Variants in PRR16 observed in about 807,000 individuals in gnomAD.
PRR16 encodes protein Largen.
In PRR16, 6 loss-of-function variants were observed where a neutral mutation model predicts 18.2. That is an observed-to-expected ratio of 0.33 (90% confidence interval 0.18 to 0.65). PRR16 has a LOEUF of 0.65. Among genes scored for constraint, PRR16 ranks in the 30% least tolerant of loss-of-function variants. The pLI is 0.74. For synonymous variants in PRR16, 151 were observed against 147.8 expected (o/e 1.02, Z -0.16); for missense variants, 412 against 376.6 (o/e 1.09, Z -0.78).
the PRR16 span, among the ~76,000 whole-genome samples, chr5:120,731,963 T>A: frequency 6.6e-6 from 1 of 152,144 alleles, no homozygotes; most frequent in African/African-American, 2.4e-5. Context: ...CTGGTGCTGG[T>A]AGCCCTAGGG....
intron 1 of PRR16, among the ~76,000 whole-genome samples, chr5:120,622,661 T>C (rs985068778): frequency 1.1e-4 from 16 of 152,026 alleles, no homozygotes; most frequent in African/African-American, 3.1e-4. Context: ...GTATTTTTAG[T>C]AGAGACAGAG....
At chr5:120,515,902 A>G (rs918780203) in intron 1 of PRR16, among the ~76,000 whole-genome samples, 1 of 152,166 alleles carries the variant, frequency 6.6e-6, no homozygotes, top group African/African-American at 2.4e-5. Flanking sequence ...TGTTGATAGA[A>G]TTTCTTTCTT....
intron 1 of PRR16, among the ~76,000 whole-genome samples, chr5:120,539,697 T>A (rs1198600143): frequency 1.3e-5 from 2 of 152,152 alleles, no homozygotes; most frequent in African/African-American, 4.8e-5. Flanking sequence ...CAATGCTATC[T>A]GTGTCAGTAA....
In PRR16 at chr5:120,656,392, C is replaced by G. The variant is rs79166541; in HGVS notation, c.160-29562C>G. On this transcript the variant is annotated intron_variant, in intron 1 of 1. Coordinates refer to ENST00000407149, the MANE Select transcript of PRR16 (RefSeq NM_001300783.2). ...GTAGCTATCATGTGAAAACTGTTAT[C>G]TTCCTCCATAATCTATCATGTCACA... Among the ~76,000 whole-genome samples the G allele has an allele frequency of 4.0e-5, 6 of 149,596 alleles. No individual in the cohort carries two copies. The South Asian group carries it at 1.3e-3, about 32-fold the overall frequency.
the PRR16 span, among the ~76,000 whole-genome samples, chr5:120,739,158 G>A: frequency 4.6e-5 from 7 of 152,082 alleles, no homozygotes; most frequent in East Asian, 1.9e-4. Flanking sequence ...ATTAGTGAAA[G>A]ATGCTGAAAA....
chr5:120,469,502 T>A (rs1749202656), intron 1 of PRR16, among the ~76,000 whole-genome samples: 1 of 152,056 alleles, frequency 6.6e-6, no homozygotes, highest in Admixed American at 6.6e-5. Context: ...TTTAATTTTT[T>A]TTTTTTTGAT....
At chr5:120,630,671 T>C (rs778755766) in intron 1 of PRR16, among the ~76,000 whole-genome samples, 5 of 152,150 alleles carry the variant, frequency 3.3e-5, no homozygotes, top group Non-Finnish European at 7.3e-5. Context: ...CGCTAACAGA[T>C]GGTGCAGCTG....
At chr5:120,705,278 G>A in the PRR16 span, among the ~76,000 whole-genome samples, 1 of 151,968 alleles carries the variant, frequency 6.6e-6, no homozygotes, top group African/African-American at 2.4e-5. Flanking sequence ...TTCTGATGGT[G>A]CAGTTAAGCT....
chr5:120,583,457 A>G (rs1753341161), intron 1 of PRR16, among the ~76,000 whole-genome samples: 2 of 152,180 alleles, frequency 1.3e-5, no homozygotes, highest in Non-Finnish European at 2.9e-5. Flanking sequence ...TCTGAAGGTA[A>G]TTAATTAAAC....
chr5:120,554,736 C>G (rs1200574602), intron 1 of PRR16, among the ~76,000 whole-genome samples: 2 of 151,940 alleles, frequency 1.3e-5, no homozygotes, highest in Non-Finnish European at 2.9e-5. Context: ...GCCAGAGTAG[C>G]TCTACTGTCC....
At chr5:120,523,070 C>A (rs1047510451) in intron 1 of PRR16, among the ~76,000 whole-genome samples, 1 of 152,102 alleles carries the variant, frequency 6.6e-6, no homozygotes, top group Non-Finnish European at 1.5e-5. Flanking sequence ...ACATGTATCC[C>A]AGGCTCTAAG....
the PRR16 span, among the ~76,000 whole-genome samples, chr5:120,791,957 T>A: frequency 6.6e-6 from 1 of 152,108 alleles, no homozygotes; most frequent in African/African-American, 2.4e-5. Flanking sequence ...ATATTGTACA[T>A]TAAAATAATC....
chr5:120,677,877 TG>T (rs1756849332), intron 1 of PRR16, among the ~76,000 whole-genome samples: 2 of 151,266 alleles, frequency 1.3e-5, no homozygotes, highest in Non-Finnish European at 2.9e-5. Flanking sequence ...GTTTTGGAAT[TG>T]GACTAAACTG....
Position 120,674,680 on chromosome 5 carries a change from T to A in PRR16, c.160-11274T>A, listed in dbSNP as rs982044838. On this transcript the variant is annotated intron_variant, in intron 1 of 1. Transcript: ENST00000407149. ...TGCATTTGTGTTGTCAACCATGAAA[T>A]TTTTATTCTTCCATTATTTATTTTA... Among the ~76,000 whole-genome samples the A allele has an allele frequency of 2.1e-4, 32 of 152,200 alleles. 1 individual carries two copies. Among genetic ancestry groups the A allele is most frequent in the Admixed American group, 1.2e-3 (18 of 15,296 alleles).
the PRR16 span, among the ~76,000 whole-genome samples, chr5:120,732,608 G>T: frequency 1.3e-5 from 2 of 152,234 alleles, no homozygotes; most frequent in East Asian, 3.9e-4. Context: ...ATGGGGATAG[G>T]TTGTGCCTTT....
chr5:120,471,189 T>C (rs1224352023), intron 1 of PRR16, among the ~76,000 whole-genome samples: 1 of 152,158 alleles, frequency 6.6e-6, no homozygotes, highest in Non-Finnish European at 1.5e-5. Context: ...AAATTAGACC[T>C]TGCAATTTAA....
At chr5:120,512,798 G>T (rs1411306860) in intron 1 of PRR16, among the ~76,000 whole-genome samples, 8 of 152,072 alleles carry the variant, frequency 5.3e-5, no homozygotes, top group African/African-American at 1.9e-4. Flanking sequence ...GAGTATAGAA[G>T]CTTTACTGGG....
chr5:120,522,022 T>G (rs1751199171), intron 1 of PRR16, among the ~76,000 whole-genome samples: 2 of 152,380 alleles, frequency 1.3e-5, no homozygotes, highest in African/African-American at 4.8e-5. Context: ...TATGACTGCA[T>G]GGTATTCCAT....
At chr5:120,715,782 TCTC>T in the PRR16 span, among the ~76,000 whole-genome samples, 3 of 152,172 alleles carry the variant, frequency 2.0e-5, no homozygotes, top group Admixed American at 2.0e-4. Flanking sequence ...TTGTTGCTGT[TCTC>T]CTTCCCAACA....
Sources: gnomAD v4.1 joint callset for allele counts (sites outside exome capture counted in the v4.1 genomes callset) on GRCh38, gnomAD v4.1.1 for gene constraint, MANE v1.5 for transcripts, NCBI Gene and HGNC (gene_info 2026-07-23, HGNC 2026-07-21) for gene names.